EPB41: variants seen among roughly 807,000 people sequenced by gnomAD.
EPB41 encodes the protein erythrocyte membrane protein band 4.1, also known as protein 4.1.
A neutral mutation model predicts 108.0 loss-of-function variants in EPB41; 65 were observed. That is an observed-to-expected ratio of 0.60 (90% CI 0.49 to 0.74). EPB41 has a LOEUF of 0.74. Ranked by LOEUF, EPB41 falls within the 30% of genes least tolerant of loss-of-function variation. The pLI is 0.00. For synonymous variants in EPB41, 336 were observed against 358.9 expected (o/e 0.94, Z 0.72); for missense variants, 875 against 1,037.0 (o/e 0.84, Z 2.15).
rs1216794945 is a variant in EPB41 at position 29,117,047 on chromosome 1, A to G, written c.*235A>G. Reference sequence around the variant, plus strand: ...GGATATCAGAATTGTTCAACTTTTCACTCTATAGACTGTTTTAAGAGTTTT... The same window carrying G: ...GGATATCAGAATTGTTCAACTTTTCGCTCTATAGACTGTTTTAAGAGTTTT... On this transcript the variant is annotated 3_prime_UTR_variant, in exon 21 of 21. Coordinates refer to ENST00000343067, the MANE Select transcript of EPB41 (RefSeq NM_001376013.1). The G allele has an allele frequency of 6.6e-6, 1 of 152,008 alleles. No homozygotes were observed. The highest frequency in any genetic ancestry group is 2.4e-5 in the African/African-American group (1 of 41,360). 9.4% of individuals were successfully genotyped at this position (152,008 alleles called of 1,614,324 possible).
intron 1 of EPB41, among the ~76,000 whole-genome samples, chr1:28,985,965 T>C (rs2095861570): frequency 2.7e-5 from 4 of 147,046 alleles, no homozygotes; most frequent in African/African-American, 1.0e-4. Context: ...TATCTCCCAA[T>C]GCTATCCCTC....
rs1214924673 is a variant in EPB41, at chr1:29,117,267, A to T, written c.*455A>T. 1 of 152,636 alleles carries T rather than the reference A, an allele frequency of 6.6e-6. No homozygotes were observed. The highest frequency in any genetic ancestry group is 1.5e-5 in the Non-Finnish European group (1 of 68,078). 9.5% of individuals were successfully genotyped at this position (152,636 alleles called of 1,614,324 possible). A position where few individuals can be genotyped will look rare whatever the true frequency, so the allele number is the denominator to read the frequency against. Reference sequence around the variant, plus strand: ...CTCTCCCTAGTCTTATCCCCTTTGGATGATGGCAGAAACTTCATGAACCAG... The same window carrying T: ...CTCTCCCTAGTCTTATCCCCTTTGGTTGATGGCAGAAACTTCATGAACCAG... On this transcript the variant is annotated 3_prime_UTR_variant, in exon 21 of 21. Coordinates refer to ENST00000343067, the MANE Select transcript of EPB41 (RefSeq NM_001376013.1).
chr1:29,094,917 A>G (rs1450837010), intron 16 of EPB41, among the ~76,000 whole-genome samples: 1 of 152,226 alleles, frequency 6.6e-6, no homozygotes, highest in Non-Finnish European at 1.5e-5. Flanking sequence ...GTATTTACAT[A>G]TAACCTATGC....
intron 7 of EPB41, among the ~76,000 whole-genome samples, chr1:29,021,792 C>T (rs1267396621): frequency 6.6e-6 from 1 of 152,094 alleles, no homozygotes; most frequent in Non-Finnish European, 1.5e-5. Flanking sequence ...CCGTGTTAGC[C>T]AGGATGGTCT....
At chr1:29,025,884 T>G (rs1331512958) in intron 7 of EPB41, among the ~76,000 whole-genome samples, 1 of 150,376 alleles carries the variant, frequency 6.6e-6, no homozygotes, top group Admixed American at 6.6e-5. Context: ...AGAGCTCAAG[T>G]GGATGAGGAT....
At chr1:28,890,017 TTTTTATTTTTA>T (rs922875169) in intron 1 of EPB41, among the ~76,000 whole-genome samples, 3 of 35,318 alleles carry the variant, frequency 8.5e-5, no homozygotes, top group Non-Finnish European at 1.5e-4. Context: ...TTTATTTTTA[TTTTTATTTTTA>T]TTTTATTTTA....
At chr1:28,988,639 C>T (rs1471533049) in intron 2 of EPB41, among the ~76,000 whole-genome samples, 6 of 152,060 alleles carry the variant, frequency 3.9e-5, no homozygotes, top group South Asian at 4.1e-4. Flanking sequence ...GGACTACAGA[C>T]GTGAGCCACC....
At chr1:29,076,337 A>C (rs901235926) in intron 16 of EPB41, among the ~76,000 whole-genome samples, 3 of 152,202 alleles carry the variant, frequency 2.0e-5, no homozygotes, top group African/African-American at 7.2e-5. Flanking sequence ...TCTCCAAAAA[A>C]TTTTGAAATT....
intron 1 of EPB41, chr1:28,902,178 G>A (rs997645432): frequency 1.0e-6 from 1 of 985,132 alleles, no homozygotes; most frequent in African/African-American, 1.7e-5. Context: ...GAGAAAAAGT[G>A]AGCGGTCATC....
intron 16 of EPB41, among the ~76,000 whole-genome samples, chr1:29,094,783 ATCTTC>A (rs1307074756): frequency 1.3e-5 from 2 of 152,068 alleles, no homozygotes; most frequent in Non-Finnish European, 2.9e-5. Context: ...CTGGGATGGT[ATCTTC>A]TCTTCCACAT....
At chr1:29,014,528 A>T (rs761072654) in intron 5 of EPB41, among the ~76,000 whole-genome samples, 29 of 151,774 alleles carry the variant, frequency 1.9e-4, no homozygotes, top group Admixed American at 3.9e-4. Context: ...CTTTCCAGAG[A>T]TGGTCTGAGT....
At chr1:29,081,832 T>C (rs373531746) in intron 16 of EPB41, among the ~76,000 whole-genome samples, 60 of 85,804 alleles carry the variant, frequency 7.0e-4, no homozygotes, top group African/African-American at 1.8e-3. Flanking sequence ...CGAAACTCTG[T>C]CTCAAAAAAA....
rs141746171 is a variant in EPB41, at chr1:28,989,155, G to T, written c.468+1250G>T. ...ATTTTGATCATCTTCTTTAACTAGAGCATATTGCCACAGAGTGTAAGATAC... is the reference window on the plus strand; with the variant it reads ...ATTTTGATCATCTTCTTTAACTAGATCATATTGCCACAGAGTGTAAGATAC... On this transcript the variant is annotated intron_variant, in intron 2 of 20. Transcript: ENST00000343067. Among the ~76,000 whole-genome samples the T allele has an allele frequency of 3.8e-3, 574 of 152,272 alleles. 6 individuals carry two copies. Among genetic ancestry groups the T allele is most frequent in the African/African-American group, 0.013 (532 of 41,544 alleles).
intron 1 of EPB41, among the ~76,000 whole-genome samples, chr1:28,902,670 G>A (rs1006349976): frequency 6.6e-6 from 1 of 152,118 alleles, no homozygotes; most frequent in African/African-American, 2.4e-5. Context: ...AGGGGGGTTC[G>A]TCACACCTTC....
chr1:29,092,487 G>C (rs951610488), intron 16 of EPB41, among the ~76,000 whole-genome samples: 1 of 152,168 alleles, frequency 6.6e-6, no homozygotes, highest in African/African-American at 2.4e-5. Context: ...CTTATATACA[G>C]CTCTCTGGTG....
At position 29,027,112 on chromosome 1, in the gene EPB41, T is replaced by G. The variant is rs530702521; in HGVS notation, c.1125-3288T>G. Among the ~76,000 whole-genome samples the G allele has an allele frequency of 4.0e-5, 6 of 151,884 alleles. No individual in the cohort carries two copies. In the South Asian group the frequency reaches 1.2e-3, roughly 32 times the overall value. ...ATCTCAAAAAAAAAAAAAAAATTCT[T>G]AAGTTAGAATTACATTTTTTTAAGA... On this transcript the variant is annotated intron_variant, in intron 7 of 20. Transcript: ENST00000343067.
intron 4 of EPB41, among the ~76,000 whole-genome samples, chr1:29,001,377 G>A (rs1350648553): frequency 1.3e-5 from 2 of 151,986 alleles, no homozygotes; most frequent in Non-Finnish European, 2.9e-5. Context: ...TAGTCTGGAT[G>A]GGTATCACAG....
chr1:29,049,008 A>C (rs1431047768), intron 11 of EPB41, among the ~76,000 whole-genome samples: 1 of 151,972 alleles, frequency 6.6e-6, no homozygotes, highest in Non-Finnish European at 1.5e-5. Context: ...GATTAATATA[A>C]CTCTGTAAGC....
At chr1:28,907,857 A>G (rs2091955438) in intron 1 of EPB41, among the ~76,000 whole-genome samples, 1 of 150,906 alleles carries the variant, frequency 6.6e-6, no homozygotes, top group Non-Finnish European at 1.5e-5. Context: ...TTTTGTAGAG[A>G]TGAGGTCTCA....
Sources: gnomAD v4.1 joint callset for allele counts (sites outside exome capture counted in the v4.1 genomes callset) on GRCh38, gnomAD v4.1.1 for gene constraint, MANE v1.5 for transcripts, NCBI Gene and HGNC (gene_info 2026-07-23, HGNC 2026-07-21) for gene names.